LTBP1: variants seen among roughly 807,000 people sequenced by gnomAD.
LTBP1 encodes latent transforming growth factor beta binding protein 1.
A neutral mutation model predicts 207.6 loss-of-function variants in LTBP1; 129 were observed. That is an observed-to-expected ratio of 0.62 (90% CI 0.54 to 0.72). The LOEUF (loss-of-function observed/expected upper bound fraction) is 0.72, where lower values mean the gene tolerates loss of function less well. Among genes scored for constraint, LTBP1 ranks in the 30% least tolerant of loss-of-function variants. The probability of loss-of-function intolerance (pLI) is 0.00; values close to 1 mark genes in which losing one functional copy is unlikely to be tolerated. For missense variants in LTBP1, 2,281 were observed against 2,217.2 expected, an observed-to-expected ratio of 1.03 and a Z score of -0.58; for synonymous variants, 963 against 833.7, an observed-to-expected ratio of 1.16 and a Z score of -2.67.
intron 25 of LTBP1, 50 bp from the exon 26 acceptor site, chr2:33,347,317 C>G (rs756690046): frequency 6.2e-6 from 10 of 1,607,892 alleles, no homozygotes; most frequent in Non-Finnish European, 8.5e-6. Context: ...AAATAGAGAG[C>G]TGTCGTGAAT....
intron 5 of LTBP1, among the ~76,000 whole-genome samples, chr2:33,182,725 CACACACACACAG>C (rs2086788793): frequency 2.1e-5 from 2 of 94,426 alleles, no homozygotes; most frequent in African/African-American, 9.3e-5. Context: ...CACACACACA[CACACACACACAG>C]ACATATATAT....
At chr2:33,072,704 G>A (rs575173223) in intron 3 of LTBP1, among the ~76,000 whole-genome samples, 10 of 152,324 alleles carry the variant, frequency 6.6e-5, no homozygotes, top group African/African-American at 2.4e-4. Flanking sequence ...TGGGAGTTAC[G>A]AGCCAGAAAC....
At chr2:33,356,661 C>CA (rs555959265) in intron 26 of LTBP1, among the ~76,000 whole-genome samples, 269 of 152,152 alleles carry the variant, frequency 1.8e-3, no homozygotes, top group South Asian at 3.9e-3. Flanking sequence ...AAACAAAAAA[C>CA]AAAAAACCAC....
rs991954482 is a variant in LTBP1 at position 33,053,346 on chromosome 2, T to C, written c.863+32140T>C. Among the ~76,000 whole-genome samples the C allele has an allele frequency of 4.6e-5, 7 of 152,216 alleles. No individual in the cohort carries two copies. In the East Asian group the frequency reaches 5.8e-4, roughly 13 times the overall value. ...ATTTGCTACAAATGATGAACCTACA[T>C]TGACACATCATTATTCCCCAAAGTC... On this transcript the variant is annotated intron_variant, in intron 3 of 33. Transcript: ENST00000404816.
chr2:32,959,571 G>GTGTATGTA, intron 2 of LTBP1, among the ~76,000 whole-genome samples: 1 of 127,674 alleles, frequency 7.8e-6, no homozygotes, highest in Non-Finnish European at 1.7e-5. Context: ...GTGTGTGTGT[G>GTGTATGTA]TATGTATATG....
chr2:32,951,867 G>A (rs553316442), intron 2 of LTBP1, among the ~76,000 whole-genome samples: 113 of 152,244 alleles, frequency 7.4e-4, no homozygotes, highest in African/African-American at 2.7e-3. Flanking sequence ...TGCGGAGATT[G>A]AACAATTACA....
At chr2:33,058,860 A>G (rs1462775968) in intron 3 of LTBP1, among the ~76,000 whole-genome samples, 1 of 152,254 alleles carries the variant, frequency 6.6e-6, no homozygotes, top group Non-Finnish European at 1.5e-5. Flanking sequence ...TTTAAGCTAC[A>G]GAAGTGCTGA....
chr2:33,044,246 T>A (rs529599862), intron 3 of LTBP1, among the ~76,000 whole-genome samples: 1 of 152,256 alleles, frequency 6.6e-6, no homozygotes, highest in East Asian at 1.9e-4. Flanking sequence ...GTATTTCTCC[T>A]AATGCTATCC....
At chr2:33,296,919 T>C (rs932172339) in intron 20 of LTBP1, among the ~76,000 whole-genome samples, 2 of 151,988 alleles carry the variant, frequency 1.3e-5, no homozygotes, top group African/African-American at 2.4e-5. Context: ...GGGACAGAGA[T>C]CATGTAGAGA....
At chr2:32,988,094 G>A (rs772085357) in intron 2 of LTBP1, among the ~76,000 whole-genome samples, 3 of 152,222 alleles carry the variant, frequency 2.0e-5, no homozygotes, top group Non-Finnish European at 4.4e-5. Context: ...CCTGGAAGAA[G>A]CAAGGAACAG....
chr2:33,235,816 C>T (rs2092016660), intron 9 of LTBP1, among the ~76,000 whole-genome samples: 1 of 152,184 alleles, frequency 6.6e-6, no homozygotes, highest in Non-Finnish European at 1.5e-5. Flanking sequence ...GAAAACCAAA[C>T]ACCACATGTT....
chr2:33,055,501 A>G (rs2076954199), intron 3 of LTBP1, among the ~76,000 whole-genome samples: 1 of 152,138 alleles, frequency 6.6e-6, no homozygotes, highest in African/African-American at 2.4e-5. Context: ...CATACTGGGG[A>G]TAGCTTGCTG....
At chr2:33,203,254 C>G (rs1573156154) in intron 7 of LTBP1, among the ~76,000 whole-genome samples, 1 of 152,194 alleles carries the variant, frequency 6.6e-6, no homozygotes. Flanking sequence ...CAGGGGCCCT[C>G]TAGCCTGGAG....
At chr2:33,016,560 C>A (rs1388981198) in intron 2 of LTBP1, among the ~76,000 whole-genome samples, 1 of 152,010 alleles carries the variant, frequency 6.6e-6, no homozygotes, top group African/African-American at 2.4e-5. Flanking sequence ...TTAAAAGTTC[C>A]CCAGGTGATT....
chr2:33,267,928 G>A (rs2093224668), intron 15 of LTBP1, among the ~76,000 whole-genome samples: 1 of 152,200 alleles, frequency 6.6e-6, no homozygotes, highest in East Asian at 1.9e-4. Context: ...GGCTTAATTT[G>A]AGTTTGGCAG....
intron 10 of LTBP1, among the ~76,000 whole-genome samples, chr2:33,245,632 G>C (rs2092484540): frequency 6.6e-6 from 1 of 152,156 alleles, no homozygotes; most frequent in South Asian, 2.1e-4. Context: ...CTTTGAAACT[G>C]ATGCAAGGAT....
At position 33,092,193 on chromosome 2, in the gene LTBP1, ACG is replaced by A. The variant is rs113961167; in HGVS notation, c.864-18385_864-18384del. 4.4e-3 allele frequency among the ~76,000 whole-genome samples: 609 copies of A among 138,790 alleles called. 7 individuals are homozygous for A. Among genetic ancestry groups the A allele is most frequent in the East Asian group, 5.7e-3 (29 of 5,110 alleles). 91.1% of individuals were successfully genotyped at this position (138,790 alleles called of 152,430 possible). A position where few individuals can be genotyped will look rare whatever the true frequency, so the allele number is the denominator to read the frequency against. ...CACGTGCGCATGCACACACACACAC[ACG>A]CGCACACACACACACACACAGTTTG... On this transcript the variant is annotated intron_variant, in intron 3 of 33. Coordinates refer to ENST00000404816, the MANE Select transcript of LTBP1 (RefSeq NM_206943.4).
intron 3 of LTBP1, among the ~76,000 whole-genome samples, chr2:33,024,744 A>T (rs2075333903): frequency 6.6e-6 from 1 of 152,192 alleles, no homozygotes; most frequent in Non-Finnish European, 1.5e-5. Context: ...GGGTGTATCC[A>T]GGGGAGGCAA....
chr2:33,046,696 C>T (rs1317587644), intron 3 of LTBP1, among the ~76,000 whole-genome samples: 1 of 152,114 alleles, frequency 6.6e-6, no homozygotes, highest in Non-Finnish European at 1.5e-5. Flanking sequence ...GGTACCAGCT[C>T]CTTTTTGTAC....
Sources: gnomAD v4.1 joint callset for allele counts (sites outside exome capture counted in the v4.1 genomes callset) on GRCh38, gnomAD v4.1.1 for gene constraint, MANE v1.5 for transcripts, NCBI Gene and HGNC (gene_info 2026-07-23, HGNC 2026-07-21) for gene names.